EPHA3: variants seen among roughly 807,000 people sequenced by gnomAD.
EPHA3 encodes EPH receptor A3, also known as ephrin type-A receptor 3.
EPHA3 carries 42 observed loss-of-function variants against 107.1 expected under a neutral mutation model. The ratio of observed to expected loss-of-function variants is 0.39; its 90% CI spans 0.31 to 0.51. EPHA3 has a LOEUF of 0.51. Ranked by LOEUF, EPHA3 falls within the 20% of genes least tolerant of loss-of-function variation. The pLI, the probability that EPHA3 is intolerant of heterozygous loss-of-function variation, is 0.78. For missense variants in EPHA3, 1,183 were observed against 1,211.2 expected, an observed-to-expected ratio of 0.98 and a Z score of 0.35; for synonymous variants, 461 against 424.8, an observed-to-expected ratio of 1.09 and a Z score of -1.05.
At chr3:89,436,306 A>G (rs1709669056) in intron 13 of EPHA3, among the ~76,000 whole-genome samples, 1 of 151,958 alleles carries the variant, frequency 6.6e-6, no homozygotes, top group Middle Eastern at 3.2e-3. Context: ...CAAGTTCATC[A>G]TTCAAAACAA....
intron 2 of EPHA3, among the ~76,000 whole-genome samples, chr3:89,177,076 G>A (rs984525532): frequency 1.2e-4 from 18 of 148,530 alleles, no homozygotes; most frequent in African/African-American, 3.7e-4. Flanking sequence ...TTCACTCTGC[G>A]TGTGTGTGTG....
chr3:89,186,212 T>C (rs1033200720), intron 2 of EPHA3, among the ~76,000 whole-genome samples: 7 of 152,064 alleles, frequency 4.6e-5, no homozygotes, highest in Admixed American at 2.6e-4. Flanking sequence ...AAAATTTCAC[T>C]GCATTATCAT....
rs1394363290 is a variant in EPHA3, at chr3:89,107,735, T to C, written c.-14T>C. The C allele has an allele frequency of 1.2e-6, 2 of 1,612,968 alleles. No individual in the cohort carries two copies. The highest frequency in any genetic ancestry group is 3.3e-5 in the Admixed American group (2 of 60,006). ...TGGAGATATGCTCCTCTCACTGCCCTCTGCACCAGCAACATGGATTGTCAG... is the reference window on the plus strand; with the variant it reads ...TGGAGATATGCTCCTCTCACTGCCCCCTGCACCAGCAACATGGATTGTCAG... On this transcript the variant is annotated 5_prime_UTR_variant, in exon 1 of 17. Transcript: ENST00000336596.
chr3:89,142,639 CTT>C (rs1169365964), intron 2 of EPHA3, among the ~76,000 whole-genome samples: 1 of 151,482 alleles, frequency 6.6e-6, no homozygotes, highest in African/African-American at 2.4e-5. Flanking sequence ...GAAATAGACA[CTT>C]TTGAATTGTC....
rs139278094 is a variant in EPHA3 at position 89,226,985 on chromosome 3, A to G, written c.814+16465A>G. 5.0e-3 allele frequency among the ~76,000 whole-genome samples: 758 copies of G among 152,148 alleles called. 6 individuals carry two copies. The highest frequency in any genetic ancestry group is 8.4e-3 in the Non-Finnish European group (569 of 67,948). On this transcript the variant is annotated intron_variant, in intron 3 of 16. Transcript: ENST00000336596. ...ATGAATAGGTAGGAAATCAGAAGACATTTTGAGGCAGACAGAGAGCACATA... is the reference window on the plus strand; with the variant it reads ...ATGAATAGGTAGGAAATCAGAAGACGTTTTGAGGCAGACAGAGAGCACATA...
At position 89,479,732 on chromosome 3, in the gene EPHA3, A is replaced by G. The variant is rs753565262; in HGVS notation, c.*230A>G. The G allele has an allele frequency of 2.2e-6, 1 of 458,128 alleles. No individual in the cohort carries two copies. The highest frequency in any genetic ancestry group is 3.8e-5 in the South Asian group (1 of 26,096). 28.4% of individuals were successfully genotyped at this position (458,128 alleles called of 1,614,324 possible). A position where few individuals can be genotyped will look rare whatever the true frequency, so the allele number is the denominator to read the frequency against. On this transcript the variant is annotated 3_prime_UTR_variant, in exon 17 of 17. Transcript: ENST00000336596. The stretch of plus-strand genomic sequence containing the variant: ...TTTTGTAATTGCTTTTTTAAATATT[A>G]GTTAATGGATTAAATTTAATTCTTC...
At chr3:89,327,353 A>G (rs994372393) in intron 3 of EPHA3, among the ~76,000 whole-genome samples, 4 of 152,158 alleles carry the variant, frequency 2.6e-5, no homozygotes, top group African/African-American at 4.8e-5. Context: ...GCAGTTAGAA[A>G]TGACTGCTAG....
In EPHA3 at chr3:89,419,262, C is replaced by A. The variant is rs1325678893; in HGVS notation, c.1946C>A (p.Ser649Ter). 6.2e-7 allele frequency: 1 copy of A among 1,610,230 alleles called. No homozygotes were observed. The highest frequency in any genetic ancestry group is 1.1e-5 in the South Asian group (1 of 90,928). The change falls in exon 11 of 17, where the codon TCA becomes TAA. Residue 649 changes from serine (S) to a stop codon, truncating the protein, a stop_gained. Transcript: ENST00000336596. LOFTEE classifies it high-confidence loss of function. ...AAACTTCCTTCAAAAAAAGAGATTT[C>A]AGTGGCCATTAAGACCCTGAAAGTT... Reference protein sequence around the residue: ...RLKLPSKKEISVAIKTLKVGY... With the variant: ...RLKLPSKKEI
chr3:89,174,376 T>G (rs944103570), intron 2 of EPHA3, among the ~76,000 whole-genome samples: 1 of 152,034 alleles, frequency 6.6e-6, no homozygotes, highest in Non-Finnish European at 1.5e-5. Context: ...AGTGTGGTCA[T>G]TATGAGTATT....
At chr3:89,138,621 G>C (rs1308702198) in intron 2 of EPHA3, among the ~76,000 whole-genome samples, 2 of 151,808 alleles carry the variant, frequency 1.3e-5, no homozygotes, top group East Asian at 3.9e-4. Flanking sequence ...TTAAGCAGGT[G>C]ATCAGGGAGG....
intron 2 of EPHA3, among the ~76,000 whole-genome samples, chr3:89,181,596 G>A (rs1048738056): frequency 2.6e-5 from 4 of 151,940 alleles, no homozygotes; most frequent in African/African-American, 9.7e-5. Context: ...TTAAATTTGA[G>A]CTTTTGGATT....
intron 3 of EPHA3, among the ~76,000 whole-genome samples, chr3:89,277,597 G>A (rs1705839413): frequency 6.6e-6 from 1 of 152,064 alleles, no homozygotes; most frequent in Non-Finnish European, 1.5e-5. Context: ...CACTGGGGTA[G>A]CATACTCTGG....
At chr3:89,354,345 C>G (rs1274673196) in intron 5 of EPHA3, among the ~76,000 whole-genome samples, 1 of 151,204 alleles carries the variant, frequency 6.6e-6, no homozygotes, top group East Asian at 1.9e-4. Context: ...ACTGGCAAAA[C>G]TCTTTCATAA....
At chr3:89,109,738 T>C (rs1257092718) in intron 1 of EPHA3, among the ~76,000 whole-genome samples, 1 of 152,032 alleles carries the variant, frequency 6.6e-6, no homozygotes. Flanking sequence ...TACAGACAGG[T>C]ACACATTAAC....
Position 89,159,096 on chromosome 3 carries a change from G to A in EPHA3, c.153+31823G>A, listed in dbSNP as rs185523138. On this transcript the variant is annotated intron_variant, in intron 2 of 16. Transcript: ENST00000336596. Reference sequence around the variant, plus strand: ...AGTTCATTTTGTACTAATATGTCTGGCATATTTTCAAATGTTTCTAATGTG... The same window carrying A: ...AGTTCATTTTGTACTAATATGTCTGACATATTTTCAAATGTTTCTAATGTG... Among the ~76,000 whole-genome samples the A allele has an allele frequency of 1.1e-4, 17 of 151,838 alleles. No homozygotes were observed. In the East Asian group the frequency reaches 2.9e-3, roughly 26 times the overall value.
chr3:89,413,348 A>G (rs1231965951), intron 10 of EPHA3, 82 bp downstream of exon 10: 2 of 1,525,570 alleles, frequency 1.3e-6, no homozygotes, highest in East Asian at 2.3e-5. Context: ...GTATATTGCT[A>G]AAGAAATGGG....
At chr3:89,404,243 T>C (rs1709014569) in intron 7 of EPHA3, among the ~76,000 whole-genome samples, 1 of 152,204 alleles carries the variant, frequency 6.6e-6, no homozygotes, top group Admixed American at 6.5e-5. Flanking sequence ...TCATCATCTA[T>C]CATTTTGTAG....
intron 3 of EPHA3, among the ~76,000 whole-genome samples, chr3:89,324,318 C>CA (rs1193710543): frequency 6.6e-6 from 1 of 151,682 alleles, no homozygotes; most frequent in Non-Finnish European, 1.5e-5. Flanking sequence ...CAGATGTGTG[C>CA]AAACATGCCG....
chr3:89,115,424 C>T (rs1017343526), intron 1 of EPHA3, among the ~76,000 whole-genome samples: 1 of 152,082 alleles, frequency 6.6e-6, no homozygotes, highest in Non-Finnish European at 1.5e-5. Context: ...GATTTTTCCT[C>T]TTCCAATATT....
Sources: gnomAD v4.1 joint callset for allele counts (sites outside exome capture counted in the v4.1 genomes callset) on GRCh38, gnomAD v4.1.1 for gene constraint, MANE v1.5 for transcripts, NCBI Gene and HGNC (gene_info 2026-07-23, HGNC 2026-07-21) for gene names.